The following AVEN variants were observed in gnomAD, a reference collection of about 807,000 sequenced individuals.
AVEN encodes apoptosis and caspase activation inhibitor.
A neutral mutation model predicts 38.1 loss-of-function variants in AVEN; 41 were observed. The ratio of observed to expected loss-of-function variants is 1.08; its 90% confidence interval spans 0.84 to 1.40. AVEN has a LOEUF of 1.40. Among genes scored for constraint, AVEN ranks in the 40% most tolerant of loss-of-function variants. The probability of loss-of-function intolerance (pLI) is 0.00; values close to 1 mark genes in which losing one functional copy is unlikely to be tolerated. For synonymous variants in AVEN, 206 were observed against 171.8 expected, an observed-to-expected ratio of 1.20 and a Z score of -1.56; for missense variants, 605 against 438.8, an observed-to-expected ratio of 1.38 and a Z score of -3.38.
chr15:34,049,030 C>T (rs770067357), intron 5 of AVEN, among the ~76,000 whole-genome samples: 2 of 151,998 alleles, frequency 1.3e-5, no homozygotes, highest in Non-Finnish European at 2.9e-5. Context: ...CAGAAAAGAC[C>T]CCACAAAAAC....
chr15:34,073,101 C>A (rs1900662238), intron 1 of AVEN, among the ~76,000 whole-genome samples: 1 of 151,158 alleles, frequency 6.6e-6, no homozygotes, highest in African/African-American at 2.4e-5. Context: ...AGTGCAGTGG[C>A]ACGATCTCGA....
At chr15:33,916,965 T>A (rs1344320802) in intron 2 of AVEN, among the ~76,000 whole-genome samples, 5 of 152,016 alleles carry the variant, frequency 3.3e-5, no homozygotes, top group Non-Finnish European at 7.4e-5. Context: ...AAAAGCCCCT[T>A]ATAAAACCAT....
the AVEN span, chr15:33,853,454 G>C: frequency 7.1e-7 from 1 of 1,417,484 alleles, no homozygotes; most frequent in Non-Finnish European, 9.4e-7. Context: ...CTACCCCTTG[G>C]AAGATTGCCC....
chr15:33,941,317 T>G (rs1272071701), intron 2 of AVEN, among the ~76,000 whole-genome samples: 2 of 152,346 alleles, frequency 1.3e-5, no homozygotes, highest in Non-Finnish European at 2.9e-5. Flanking sequence ...TTTGTTTTGC[T>G]TCTGACACTG....
downstream of AVEN, chr15:33,854,753 C>T (rs202155048): frequency 1.6e-4 from 255 of 1,590,200 alleles, no homozygotes; most frequent in African/African-American, 3.2e-3. Context: ...AGTCTGCTTT[C>T]TTCCATTCCC....
At chr15:33,938,262 T>C (rs1163905001) in intron 2 of AVEN, among the ~76,000 whole-genome samples, 4 of 152,210 alleles carry the variant, frequency 2.6e-5, no homozygotes, top group Non-Finnish European at 5.9e-5. Context: ...GAGACCATCC[T>C]GGCTAACACG....
intron 2 of AVEN, among the ~76,000 whole-genome samples, chr15:33,997,984 A>G (rs1310983033): frequency 2.0e-5 from 3 of 152,104 alleles, no homozygotes; most frequent in Admixed American, 6.5e-5. Context: ...ATACTTTCCC[A>G]CTTCCTTGAC....
intron 2 of AVEN, among the ~76,000 whole-genome samples, chr15:33,904,330 G>C (rs1341867380): frequency 6.6e-6 from 1 of 152,208 alleles, no homozygotes; most frequent in African/African-American, 2.4e-5. Context: ...TGAGGCAGGA[G>C]AACCACTTGA....
At chr15:34,064,464 C>G in intron 4 of AVEN, 1 of 940,646 alleles carries the variant, frequency 1.1e-6, no homozygotes, top group South Asian at 1.8e-5. Context: ...GTTTGGTTGC[C>G]AAATGGAAGG....
In AVEN at chr15:34,032,107, T is replaced by C. The variant is rs1898881181; in HGVS notation, c.267+6673A>G. 2.6e-5 allele frequency among the ~76,000 whole-genome samples: 4 copies of C among 152,188 alleles called. No homozygotes were observed. In the South Asian group the frequency reaches 8.3e-4, roughly 32 times the overall value. ...TCCAGTGCCGTAATAAGTTAGTCAG[T>C]AGCTTCTATCAAATAGAAATTACTA... On this transcript the variant is annotated intron_variant, in intron 1 of 5. Transcript: ENST00000306730.
At chr15:33,903,149 C>T (rs984683422) in intron 2 of AVEN, among the ~76,000 whole-genome samples, 6 of 152,208 alleles carry the variant, frequency 3.9e-5, no homozygotes, top group Non-Finnish European at 7.3e-5. Context: ...ATCATAAATA[C>T]TCACCCGCAG....
intron 2 of AVEN, among the ~76,000 whole-genome samples, chr15:33,959,098 G>A (rs545699387): frequency 1.5e-4 from 23 of 152,014 alleles, no homozygotes; most frequent in African/African-American, 5.1e-4. Flanking sequence ...TGCTTCTCAC[G>A]TCTAAAATTC....
At chr15:33,864,270 A>AATAC, downstream of AVEN, 1 of 1,083,720 alleles carries the variant, frequency 9.2e-7, no homozygotes, top group Non-Finnish European at 1.4e-6. Context: ...GGTTATCTGA[A>AATAC]ATACATACAT....
At chr15:33,895,462 A>T (rs1300052028) in intron 2 of AVEN, among the ~76,000 whole-genome samples, 1 of 151,898 alleles carries the variant, frequency 6.6e-6, no homozygotes, top group East Asian at 1.9e-4. Flanking sequence ...AATAGCTGGG[A>T]CTACAGGTAT....
intron 2 of AVEN, among the ~76,000 whole-genome samples, chr15:33,887,001 A>G (rs1300958912): frequency 1.3e-5 from 2 of 152,248 alleles, no homozygotes; most frequent in South Asian, 2.1e-4. Flanking sequence ...GCATCTATCA[A>G]TTAAGGTTTT....
At chr15:34,037,767 T>C (rs1308490916) in intron 1 of AVEN, among the ~76,000 whole-genome samples, 1 of 152,144 alleles carries the variant, frequency 6.6e-6, no homozygotes, top group African/African-American at 2.4e-5. Context: ...TTTATACTTT[T>C]TTTTCCAGCT....
At chr15:34,017,307 T>C (rs1038415516) in intron 1 of AVEN, among the ~76,000 whole-genome samples, 3 of 152,012 alleles carry the variant, frequency 2.0e-5, no homozygotes, top group Non-Finnish European at 4.4e-5. Context: ...TTAAACAGCA[T>C]GGAGATCTCA....
intron 3 of AVEN, among the ~76,000 whole-genome samples, chr15:33,875,066 G>A (rs1463382216): frequency 2.6e-5 from 4 of 152,106 alleles, no homozygotes; most frequent in South Asian, 2.1e-4. Flanking sequence ...CTCGTAATCC[G>A]TATGCGTCAA....
downstream of AVEN, chr15:33,857,879 G>A (rs746166628): frequency 1.2e-6 from 2 of 1,614,170 alleles, no homozygotes; most frequent in Admixed American, 3.3e-5. Context: ...CGAAGACGAT[G>A]ACGAGCCCGA....
Sources: allele counts gnomAD v4.1 joint callset (sites outside exome capture counted in the v4.1 genomes callset), GRCh38; gene constraint gnomAD v4.1.1; transcripts MANE v1.5; gene names NCBI Gene and HGNC (gene_info 2026-07-23, HGNC 2026-07-21).